The following METTL15 variants were observed in gnomAD, a reference collection of about 807,000 sequenced individuals.
The protein encoded by METTL15 is methyltransferase 15, mitochondrial 12S rRNA N4-cytidine.
METTL15 carries 34 observed loss-of-function variants against 38.3 expected under a neutral mutation model. That is an observed-to-expected ratio of 0.89 (90% CI 0.68 to 1.18). METTL15 has a LOEUF of 1.18. Ranked by LOEUF, METTL15 falls within the 50% of genes most tolerant of loss-of-function variation. METTL15 has a pLI of 0.00. For missense variants in METTL15, 438 were observed against 498.4 expected (o/e 0.88, Z 1.15); for synonymous variants, 162 against 170.9 (o/e 0.95, Z 0.41).
chr11:28,211,218 A>G lies in METTL15; in HGVS notation c.407+20A>G. ...GTATCCGTAAGTAATACCCTTGCAT[A>G]TTTATTTGATTTTGGTTCTTAGTTT... On this transcript the variant is annotated intron_variant, in intron 4 of 6. Transcript: ENST00000407364. The G allele has an allele frequency of 1.3e-6, 2 of 1,585,754 alleles. No homozygotes were observed. Among genetic ancestry groups the G allele is most frequent in the Middle Eastern group, 1.7e-4 (1 of 5,946 alleles).
chr11:28,156,176 A>G (rs12796293), intron 3 of METTL15, among the ~76,000 whole-genome samples: 43,770 of 152,050 alleles, frequency 0.29, 7,107 homozygotes, highest in African/African-American at 0.43. Context: ...AAGTCACCTC[A>G]TAAAAAAATA....
chr11:28,386,677 A>G (rs1850444403), intron 5 of METTL15, among the ~76,000 whole-genome samples: 1 of 151,996 alleles, frequency 6.6e-6, no homozygotes. Context: ...TTAATAAGGA[A>G]ATAGAGGATG....
chr11:28,137,896 A>G (rs1849567455), intron 3 of METTL15, among the ~76,000 whole-genome samples: 1 of 152,028 alleles, frequency 6.6e-6, no homozygotes, highest in Non-Finnish European at 1.5e-5. Flanking sequence ...ATGTATGATT[A>G]TACAGACACA....
intron 3 of METTL15, among the ~76,000 whole-genome samples, chr11:28,136,571 A>G (rs1162317144): frequency 6.6e-6 from 1 of 152,216 alleles, no homozygotes; most frequent in Non-Finnish European, 1.5e-5. Flanking sequence ...ATTATGATTG[A>G]TAGCATATAC....
At chr11:28,312,576 G>A (rs1008274221) in intron 6 of METTL15, among the ~76,000 whole-genome samples, 1 of 151,836 alleles carries the variant, frequency 6.6e-6, no homozygotes, top group Non-Finnish European at 1.5e-5. Context: ...TTTTTTTCTT[G>A]TTGTGTTAGT....
At chr11:28,119,254 C>T (rs2133602250) in intron 3 of METTL15, among the ~76,000 whole-genome samples, 1 of 152,228 alleles carries the variant, frequency 6.6e-6, no homozygotes, top group African/African-American at 2.4e-5. Context: ...TCCATGAAGC[C>T]ATGGACATAT....
At chr11:28,431,537 A>C (rs1292320648) in intron 6 of METTL15, among the ~76,000 whole-genome samples, 9 of 70,506 alleles carry the variant, frequency 1.3e-4, no homozygotes, top group African/African-American at 4.5e-4. Flanking sequence ...AAATGGATTA[A>C]GGGCGGTGCA....
intron 5 of METTL15, among the ~76,000 whole-genome samples, chr11:28,293,730 A>C (rs1012886057): frequency 1.8e-4 from 27 of 151,920 alleles, no homozygotes; most frequent in African/African-American, 4.6e-4. Flanking sequence ...CTTTTATTTC[A>C]TTGAGCAGTG....
intron 5 of METTL15, among the ~76,000 whole-genome samples, chr11:28,386,047 G>A (rs1410626125): frequency 6.6e-6 from 1 of 152,008 alleles, no homozygotes; most frequent in Non-Finnish European, 1.5e-5. Flanking sequence ...CTAAATAGAT[G>A]ATTATAACTA....
chr11:28,235,328 TC>T (rs1853903271), intron 4 of METTL15, among the ~76,000 whole-genome samples: 1 of 152,094 alleles, frequency 6.6e-6, no homozygotes, highest in South Asian at 2.1e-4. Flanking sequence ...AGTAGTTTTT[TC>T]CAATTCTGTG....
intron 3 of METTL15, among the ~76,000 whole-genome samples, chr11:28,194,200 T>TC: frequency 9.3e-6 from 1 of 107,802 alleles, no homozygotes; most frequent in African/African-American, 3.6e-5. Flanking sequence ...CTCCTCTCTC[T>TC]CTCTCTCTCT....
intron 6 of METTL15, among the ~76,000 whole-genome samples, chr11:28,426,474 CCT>C (rs1850865328): frequency 6.6e-6 from 1 of 151,982 alleles, no homozygotes; most frequent in Non-Finnish European, 1.5e-5. Flanking sequence ...GGTATTTCTG[CCT>C]CTGTCTTTGA....
At chr11:28,166,760 G>A (rs1850672388) in intron 3 of METTL15, among the ~76,000 whole-genome samples, 1 of 152,074 alleles carries the variant, frequency 6.6e-6, no homozygotes, top group Non-Finnish European at 1.5e-5. Context: ...GACCAGCCCG[G>A]CCAACATGGT....
rs192480701 is a variant in METTL15 at position 28,133,768 on chromosome 11, T to C, written c.270+20164T>C. ...GTCTTGGGAATATATCCTCTAGTCT[T>C]AACCAAGCCCGCAACCTTGTGAAAG... is the stretch of plus-strand genomic sequence containing the variant. On this transcript the variant is annotated intron_variant, in intron 3 of 6. Transcript: ENST00000407364. Among the ~76,000 whole-genome samples, 24 of 152,224 alleles carry C rather than the reference T, an allele frequency of 1.6e-4. No homozygotes were observed. In the East Asian group the frequency reaches 4.1e-3, roughly 26 times the overall value.
intron 4 of METTL15, among the ~76,000 whole-genome samples, chr11:28,223,248 C>G (rs1853325741): frequency 6.6e-6 from 1 of 152,056 alleles, no homozygotes; most frequent in African/African-American, 2.4e-5. Flanking sequence ...AAAGATAAAA[C>G]AATGACTAAG....
chr11:28,399,284 A>G (rs1850606606), intron 5 of METTL15, among the ~76,000 whole-genome samples: 1 of 152,052 alleles, frequency 6.6e-6, no homozygotes, highest in East Asian at 1.9e-4. Flanking sequence ...CTTACACCTT[A>G]CACAAAAATT....
At chr11:28,479,764 A>C (rs1425208170) in intron 6 of METTL15, among the ~76,000 whole-genome samples, 1 of 152,212 alleles carries the variant, frequency 6.6e-6, no homozygotes, top group Non-Finnish European at 1.5e-5. Context: ...GTATCAAAAA[A>C]AGTGTGTGTA....
chr11:28,151,309 G>T (rs143531652), intron 3 of METTL15, among the ~76,000 whole-genome samples: 1 of 151,580 alleles, frequency 6.6e-6, no homozygotes, highest in Non-Finnish European at 1.5e-5. Context: ...ATCTCTTACC[G>T]TGCTGACTGC....
chr11:28,376,335 G>A (rs1182552428), intron 5 of METTL15, among the ~76,000 whole-genome samples: 2 of 152,066 alleles, frequency 1.3e-5, no homozygotes, highest in African/African-American at 2.4e-5. Flanking sequence ...CTTGCTTTAT[G>A]AATCTGGGTG....
Sources: allele counts gnomAD v4.1 joint callset (sites outside exome capture counted in the v4.1 genomes callset), GRCh38; gene constraint gnomAD v4.1.1; transcripts MANE v1.5; gene names NCBI Gene and HGNC (gene_info 2026-07-23, HGNC 2026-07-21).